Variants in SAMD4B observed in about 807,000 individuals in gnomAD.
SAMD4B encodes protein Smaug homolog 2.
In SAMD4B, 5 loss-of-function variants were observed where a neutral mutation model predicts 74.5. That is an observed-to-expected ratio of 0.07 (90% CI 0.04 to 0.14). The LOEUF is 0.14. SAMD4B is among the 10% of genes least tolerant of loss of function. The pLI, the probability that SAMD4B is intolerant of heterozygous loss-of-function variation, is 1.00. For synonymous variants in SAMD4B, 373 were observed against 374.9 expected (o/e 1.00, Z 0.06); for missense variants, 608 against 921.8 (o/e 0.66, Z 4.41).
chr19:39,369,722 C>T lies in SAMD4B; in HGVS notation c.264C>T (p.Pro88=). The change falls in exon 4 of 14, where the codon CCC becomes CCT. Residue 88 remains proline (P), a synonymous_variant. Coordinates refer to ENST00000610417, the MANE Select transcript of SAMD4B (RefSeq NM_001384574.2). ...TGTCCCTCCTGCTGTCCCACCTTCCCCTGCTTCAGCCAGGCAACACAGAGG... is the reference window on the plus strand; with the variant it reads ...TGTCCCTCCTGCTGTCCCACCTTCCTCTGCTTCAGCCAGGCAACACAGAGG... ...KVVSLLLSHL[P]LLQPGNTEAK... is the part of the protein sequence containing the mutation. 6.2e-7 allele frequency: 1 copy of T among 1,614,180 alleles called. No homozygotes were observed. Among genetic ancestry groups the T allele is most frequent in the Non-Finnish European group, 8.5e-7 (1 of 1,180,024 alleles).
intron 4 of SAMD4B, 96 bp downstream of exon 4, chr19:39,370,221 CACA>C: frequency 8.0e-7 from 1 of 1,244,208 alleles, no homozygotes. Flanking sequence ...TTAGACAAGT[CACA>C]TAAGCTGTAG....
At chr19:39,386,537 C>G (rs768459955), downstream of SAMD4B, 2 of 1,614,144 alleles carry the variant, frequency 1.2e-6, no homozygotes, top group South Asian at 2.2e-5. The surrounding 1 kb of genome is among the most constrained non-coding windows in gnomAD (Gnocchi z 6.1). Flanking sequence ...CTTCCTCCTC[C>G]GGTTCGTGGT....
intron 1 of SAMD4B, among the ~76,000 whole-genome samples, chr19:39,345,589 C>T (rs933369702): frequency 2.0e-5 from 3 of 152,198 alleles, no homozygotes; most frequent in Admixed American, 1.3e-4. Flanking sequence ...ACCCCTCCAC[C>T]TCCATTGTAC....
At position 39,356,777 on chromosome 19, in the gene SAMD4B, A is replaced by G; in HGVS notation, c.-117A>G. ...AACAACCGTTGCCACCACGCCCAGA[A>G]ACGTCCTTAAGCCCTGGCCCTCAGG... On this transcript the variant is annotated 5_prime_UTR_variant, in exon 3 of 14. Coordinates refer to ENST00000610417, the MANE Select transcript of SAMD4B (RefSeq NM_001384574.2). The G allele has an allele frequency of 1.2e-6, 1 of 842,624 alleles. No individual in the cohort carries two copies. The highest frequency in any genetic ancestry group is 1.8e-6 in the Non-Finnish European group (1 of 558,190). 52.2% of individuals were successfully genotyped at this position (842,624 alleles called of 1,614,324 possible).
At chr19:39,371,614 C>G (rs538781989) in intron 4 of SAMD4B, among the ~76,000 whole-genome samples, 1 of 152,054 alleles carries the variant, frequency 6.6e-6, no homozygotes, top group Non-Finnish European at 1.5e-5. Context: ...GTCAGGAGTT[C>G]GAGACCAGCC....
chr19:39,381,156 C>T (rs2077959561), intron 12 of SAMD4B, 43 bp downstream of exon 12: 6 of 1,536,582 alleles, frequency 3.9e-6, no homozygotes, highest in Non-Finnish European at 5.2e-6. Context: ...CCAACATCCT[C>T]AGCTGACCTT....
intron 3 of SAMD4B, among the ~76,000 whole-genome samples, chr19:39,368,823 C>T (rs1418384888): frequency 1.3e-5 from 2 of 152,164 alleles, no homozygotes; most frequent in African/African-American, 2.4e-5. Context: ...TCCAAAATTT[C>T]GCAGATAATT....
chr19:39,345,005 C>T (rs969996025), intron 1 of SAMD4B, among the ~76,000 whole-genome samples: 2 of 152,140 alleles, frequency 1.3e-5, no homozygotes, highest in Non-Finnish European at 2.9e-5. Flanking sequence ...TGGTTCCTGG[C>T]CCAGCAGCAG....
chr19:39,353,563 A>G (rs1309782188), intron 1 of SAMD4B, among the ~76,000 whole-genome samples: 1 of 152,078 alleles, frequency 6.6e-6, no homozygotes, highest in Non-Finnish European at 1.5e-5. Flanking sequence ...CCCTCCAAGT[A>G]GTTACAGATC....
In SAMD4B at chr19:39,375,547, G is replaced by C; in HGVS notation, c.668-103G>C. On this transcript the variant is annotated intron_variant, in intron 4 of 13. Transcript: ENST00000610417. This position sits in a 1 kb window ranked among gnomAD's most constrained non-coding sequence, Gnocchi z 4.1. ...GACCCCAGGTCCCTTCCTCTTGGCAGGTTATGGGGCCAAACTGCCATCCTG... is the reference window on the plus strand; with the variant it reads ...GACCCCAGGTCCCTTCCTCTTGGCACGTTATGGGGCCAAACTGCCATCCTG... The C allele has an allele frequency of 6.8e-7, 1 of 1,470,366 alleles. No individual in the cohort carries two copies. The highest frequency in any genetic ancestry group is 9.2e-7 in the Non-Finnish European group (1 of 1,083,582). 91.1% of individuals were successfully genotyped at this position (1,470,366 alleles called of 1,614,324 possible).
At position 39,361,922 on chromosome 19, in the gene SAMD4B, G is replaced by A. The variant is rs149804657; in HGVS notation, c.196+4833G>A. Among the ~76,000 whole-genome samples the A allele has an allele frequency of 9.4e-3, 1,432 of 152,018 alleles. 13 individuals are homozygous for A. Among genetic ancestry groups the A allele is most frequent in the African/African-American group, 0.031 (1,273 of 41,464 alleles). On this transcript the variant is annotated intron_variant, in intron 3 of 13. Transcript: ENST00000610417. ...AGCCTGGGCGACAGAGCCAGACTCC[G>A]TCTCAAAGAAAAAAAAAAGTTGCCT...
chr19:39,356,209 T>A (rs1240997884), intron 2 of SAMD4B, among the ~76,000 whole-genome samples: 3 of 152,150 alleles, frequency 2.0e-5, no homozygotes, highest in Admixed American at 6.5e-5. Context: ...TAAAGAGCCC[T>A]TGGAGTCCTA....
chr19:39,381,377 A>G (rs146234817), intron 12 of SAMD4B: 95 of 390,936 alleles, frequency 2.4e-4, no homozygotes, highest in African/African-American at 1.8e-3. Flanking sequence ...TTCCCACCCT[A>G]TGTCATAATC....
rs2075357117 is a variant in SAMD4B, at chr19:39,342,476, C to T, written c.-367C>T. The T allele has an allele frequency of 5.6e-6, 1 of 179,494 alleles. No homozygotes were observed. The highest frequency in any genetic ancestry group is 1.1e-5 in the Non-Finnish European group (1 of 90,152). 11.1% of individuals were successfully genotyped at this position (179,494 alleles called of 1,614,324 possible). ...GCGGCGGCGGCGGCGGTGGTCGGTGCGGGAGGAGGGAGGGGAGCTTGCGGG... is the reference window on the plus strand; with the variant it reads ...GCGGCGGCGGCGGCGGTGGTCGGTGTGGGAGGAGGGAGGGGAGCTTGCGGG... On this transcript the variant is annotated 5_prime_UTR_variant, in exon 1 of 14. Coordinates refer to ENST00000610417, the MANE Select transcript of SAMD4B (RefSeq NM_001384574.2).
At position 39,378,050 on chromosome 19, in the gene SAMD4B, C is replaced by T. The variant is rs936449224; in HGVS notation, c.1444+226C>T. Among the ~76,000 whole-genome samples the T allele has an allele frequency of 1.3e-5, 2 of 152,182 alleles. No individual in the cohort carries two copies. The highest frequency in any genetic ancestry group is 1.3e-4 in the Admixed American group (2 of 15,280). ...CCCTTCCCCTCAAAGCGTCTCCAGG[C>T]TGAGCAGAAATGGGGCAGTGGGTCA... On this transcript the variant is annotated intron_variant, in intron 8 of 13. Transcript: ENST00000610417. This position sits in a 1 kb window ranked among gnomAD's most constrained non-coding sequence, Gnocchi z 4.4.
intron 12 of SAMD4B, among the ~76,000 whole-genome samples, chr19:39,382,971 A>G (rs2078092357): frequency 6.6e-6 from 1 of 151,962 alleles, no homozygotes; most frequent in African/African-American, 2.4e-5. Flanking sequence ...TTCAGTTTCA[A>G]TTCCACTCTC....
rs1352305322 is a variant in SAMD4B, at chr19:39,356,869, C to T, written c.-25C>T. 1.1e-5 allele frequency: 18 copies of T among 1,589,222 alleles called. No homozygotes were observed. The highest frequency in any genetic ancestry group is 4.5e-5 in the South Asian group (4 of 88,962). On this transcript the variant is annotated 5_prime_UTR_variant, in exon 3 of 14. Coordinates refer to ENST00000610417, the MANE Select transcript of SAMD4B (RefSeq NM_001384574.2). Reference sequence around the variant, plus strand: ...GCTGGCCCTCGCCACCGCCGTCCCCCGACCCTGGCCCCAGGCCCGGCACCA... The same window carrying T: ...GCTGGCCCTCGCCACCGCCGTCCCCTGACCCTGGCCCCAGGCCCGGCACCA...
chr19:39,353,093 C>T (rs1327548729), intron 1 of SAMD4B, among the ~76,000 whole-genome samples: 1 of 152,106 alleles, frequency 6.6e-6, no homozygotes, highest in African/African-American at 2.4e-5. Context: ...TTTTAAAATT[C>T]TTCCTTATGT....
chr19:39,376,301 A>G, intron 5 of SAMD4B, 136 bp from the exon 6 acceptor site: 2 of 659,240 alleles, frequency 3.0e-6, no homozygotes, highest in Non-Finnish European at 5.3e-6. Flanking sequence ...AGCTGATGGA[A>G]CCTTAGCTCC....
Sources: allele counts gnomAD v4.1 joint callset (sites outside exome capture counted in the v4.1 genomes callset), GRCh38; gene constraint gnomAD v4.1.1; non-coding constraint Gnocchi (gnomAD v3.1); transcripts MANE v1.5; gene names NCBI Gene and HGNC (gene_info 2026-07-23, HGNC 2026-07-21).